Variants in CIT observed in about 807,000 individuals in gnomAD.
The protein encoded by CIT is citron rho-interacting serine/threonine kinase.
In CIT, 79 loss-of-function variants were observed where a neutral mutation model predicts 272.7. The observed-to-expected ratio is 0.29, with a 90% CI of 0.24 to 0.35. CIT has a LOEUF of 0.35. Among genes scored for constraint, CIT ranks in the 10% least tolerant of loss-of-function variants. The pLI is 1.00. For synonymous variants in CIT, 948 were observed against 995.6 expected (o/e 0.95, Z 0.90); for missense variants, 1,909 against 2,618.3 (o/e 0.73, Z 5.91).
rs557072800 is a variant in CIT, at chr12:119,829,082, CA to C, written c.753+3688del. ...TTAGCTTAGCAGGTTCTTTCACTAA[CA>C]AAAAGCAGATGAGGAAGAAAGAAAA... is the stretch of plus-strand genomic sequence containing the variant. On this transcript the variant is annotated intron_variant, in intron 7 of 47. Transcript: ENST00000392521. 3.5e-4 allele frequency among the ~76,000 whole-genome samples: 54 copies of C among 152,226 alleles called. No homozygotes were observed. The East Asian group carries it at 8.3e-3, about 23-fold the overall frequency.
chr12:119,740,860 A>G (rs1208419220), intron 24 of CIT, among the ~76,000 whole-genome samples: 1 of 152,202 alleles, frequency 6.6e-6, no homozygotes, highest in Non-Finnish European at 1.5e-5. Flanking sequence ...GATGGAGGAA[A>G]TCCACAGACA....
chr12:119,818,731 C>A (rs1191183932), intron 9 of CIT, among the ~76,000 whole-genome samples: 2 of 152,216 alleles, frequency 1.3e-5, no homozygotes, highest in African/African-American at 4.8e-5. Context: ...ACAGACCATC[C>A]GAGTTCTCTA....
At chr12:119,818,775 G>A (rs1046452887) in intron 9 of CIT, among the ~76,000 whole-genome samples, 5 of 152,184 alleles carry the variant, frequency 3.3e-5, no homozygotes, top group Non-Finnish European at 4.4e-5. Flanking sequence ...GAAATAATCC[G>A]TGATCACCAC....
At chr12:119,863,933 G>A (rs932777479) in intron 3 of CIT, among the ~76,000 whole-genome samples, 1 of 151,912 alleles carries the variant, frequency 6.6e-6, no homozygotes, top group Non-Finnish European at 1.5e-5. Flanking sequence ...TTTTGAAGCA[G>A]GGAGCCATCA....
Position 119,690,064 on chromosome 12 carries a change from A to C in CIT, c.6186+87T>G. Reference sequence around the variant, plus strand: ...TTACAGTCATGGAGTTCCTTTTTTAAACAACAGTGGCCCCGTGGGGGCCTC... The same window carrying C: ...TTACAGTCATGGAGTTCCTTTTTTACACAACAGTGGCCCCGTGGGGGCCTC... On this transcript the variant is annotated intron_variant, in intron 47 of 47. Transcript: ENST00000392521. This position sits in a 1 kb window ranked among gnomAD's most constrained non-coding sequence, Gnocchi z 6.0. The C allele has an allele frequency of 7.8e-7, 1 of 1,280,976 alleles. No homozygotes were observed. The highest frequency in any genetic ancestry group is 1.0e-6 in the Non-Finnish European group (1 of 989,724). 79.4% of individuals were successfully genotyped at this position (1,280,976 alleles called of 1,614,324 possible).
chr12:119,725,933 G>A (rs933466689), intron 28 of CIT, among the ~76,000 whole-genome samples: 7 of 152,136 alleles, frequency 4.6e-5, no homozygotes, highest in South Asian at 2.1e-4. Context: ...ATTTGACCAC[G>A]AGGTACATTT....
At chr12:119,833,722 A>G (rs1275326139) in intron 6 of CIT, among the ~76,000 whole-genome samples, 2 of 151,974 alleles carry the variant, frequency 1.3e-5, no homozygotes, top group Non-Finnish European at 2.9e-5. Context: ...AGAGAAGTAC[A>G]GCTCCATGGT....
chr12:119,857,747 T>C, intron 3 of CIT, 49 bp from the exon 4 acceptor site: 1 of 1,500,406 alleles, frequency 6.7e-7, no homozygotes, highest in South Asian at 1.3e-5. Context: ...CATGCAAATA[T>C]ATGCATCTTT....
Position 119,728,603 on chromosome 12 carries a change from T to C in CIT, c.3490A>G (p.Asn1164Asp), listed in dbSNP as rs757841591. Residue 1164 changes from asparagine (N) to aspartate (D), a missense_variant, in exon 28 of 48, where the codon AAT (asparagine) becomes GAT (aspartate). Physicochemically the swap from Asn to Asp is conservative, Grantham distance 23. This residue lies in a region of CIT where 530 missense variants were observed against 822.4 expected (regional missense o/e 0.64). Coordinates refer to ENST00000392521, the MANE Select transcript of CIT (RefSeq NM_001206999.2). This position sits in a 1 kb window ranked among gnomAD's most constrained non-coding sequence, Gnocchi z 4.3. ...ATAGCATGCTTCTTCTCCAGGTCATTGAGCTAGACATTTGGAAAGATTGGC... is the reference window on the plus strand; with the variant it reads ...ATAGCATGCTTCTTCTCCAGGTCATCGAGCTAGACATTTGGAAAGATTGGC... ...LKAESLSDKL[N>D]DLEKKHAMLE... 1 of 1,605,514 alleles carries C rather than the reference T, an allele frequency of 6.2e-7. No individual in the cohort carries two copies. Among genetic ancestry groups the C allele is most frequent in the Admixed American group, 1.7e-5 (1 of 59,074 alleles).
chr12:119,802,333 C>A (rs1451043093), intron 10 of CIT, among the ~76,000 whole-genome samples: 1 of 152,102 alleles, frequency 6.6e-6, no homozygotes, highest in African/African-American at 2.4e-5. Context: ...ACTGACCTCC[C>A]ACATCCACAG....
rs144329992 is a variant in CIT at position 119,718,359 on chromosome 12, C to T, written c.4054G>A (p.Ala1352Thr). ...GCGGACATGGCGATCTGCTGCCTCG[C>T]GGTGGCTGGCGTGGATGGGTGTGGG... ...DHPHPSTPAT[A>T]RQQIAMSAIV... The change falls in exon 32 of 48, where the codon GCG becomes ACG. Residue 1352 changes from alanine to threonine, a missense_variant. Physicochemically the swap from Ala to Thr is moderately conservative, Grantham distance 58 (BLOSUM62 0). This residue lies in a region of CIT where 780 missense variants were observed against 1,067.2 expected (regional missense o/e 0.73). Coordinates refer to ENST00000392521, the MANE Select transcript of CIT (RefSeq NM_001206999.2). This position sits in a 1 kb window ranked among gnomAD's most constrained non-coding sequence, Gnocchi z 4.8. 12 of 1,613,962 alleles carry T rather than the reference C, an allele frequency of 7.4e-6. No individual in the cohort carries two copies. Among genetic ancestry groups the T allele is most frequent in the African/African-American group, 6.7e-5 (5 of 75,038 alleles).
chr12:119,730,719 A>G, intron 26 of CIT, 89 bp from the exon 27 acceptor site: 1 of 1,414,604 alleles, frequency 7.1e-7, no homozygotes, highest in East Asian at 2.4e-5. Context: ...CCTGACGAGC[A>G]ACTAAACAGG....
In CIT at chr12:119,712,226, T is replaced by C; in HGVS notation, c.4806A>G (p.Ser1602=). The C allele has an allele frequency of 6.2e-7, 1 of 1,611,790 alleles. No individual in the cohort carries two copies. The highest frequency in any genetic ancestry group is 8.5e-7 in the Non-Finnish European group (1 of 1,178,864). The stretch of plus-strand genomic sequence containing the variant: ...TAGAAACTCTCCCACCTGCGACAAC[T>C]GATTCTAAGGCGGTGACCCAGCGCT... ...DKQRWVTALE[S]VVAGGRVSRE... Residue 1602 remains serine (S), a synonymous_variant, in exon 37 of 48, where the codon TCA becomes TCG. Transcript: ENST00000392521. This position sits in a 1 kb window ranked among gnomAD's most constrained non-coding sequence, Gnocchi z 5.2.
intron 44 of CIT, chr12:119,699,896 C>T (rs1167449552): frequency 2.2e-6 from 1 of 455,992 alleles, no homozygotes; most frequent in African/African-American, 2.0e-5. Context: ...AACATTCACA[C>T]AGATACGTAT....
chr12:119,797,436 A>C (rs116826964), intron 10 of CIT, among the ~76,000 whole-genome samples: 1 of 152,336 alleles, frequency 6.6e-6, no homozygotes, highest in African/African-American at 2.4e-5. Flanking sequence ...GAGCAAGAGG[A>C]GAGGAGAAAA....
In CIT at chr12:119,728,486, G is replaced by C. The variant is rs762390907; in HGVS notation, c.3591+16C>G. ...AAAAATCCACTTGGCCCTTCTCCCA[G>C]GTATTTCACACTCACCTCTTCCAGA... On this transcript the variant is annotated intron_variant, in intron 28 of 47. Transcript: ENST00000392521. The surrounding 1 kb of genome is among the most constrained non-coding windows in gnomAD (Gnocchi z 4.3). 14 of 1,538,188 alleles carry C rather than the reference G, an allele frequency of 9.1e-6. No individual in the cohort carries two copies. The highest frequency in any genetic ancestry group is 1.4e-5 in the African/African-American group (1 of 71,876).
At chr12:119,862,125 C>T (rs963861552) in intron 3 of CIT, among the ~76,000 whole-genome samples, 13 of 152,034 alleles carry the variant, frequency 8.6e-5, no homozygotes, top group Non-Finnish European at 1.5e-4. Flanking sequence ...CTTGGTCTCC[C>T]GAGTAGCTGG....
intron 2 of CIT, among the ~76,000 whole-genome samples, chr12:119,875,462 G>A (rs1950814406): frequency 6.6e-6 from 1 of 152,006 alleles, no homozygotes; most frequent in African/African-American, 2.4e-5. Flanking sequence ...CTAAATAGAG[G>A]GCCAGGTGCA....
At chr12:119,731,071 G>A (rs1329376906) in intron 26 of CIT, among the ~76,000 whole-genome samples, 1 of 150,762 alleles carries the variant, frequency 6.6e-6, no homozygotes, top group Non-Finnish European at 1.5e-5. Context: ...AAGTTGCAGT[G>A]AGCCGAGATC....
Sources: allele counts gnomAD v4.1 joint callset (sites outside exome capture counted in the v4.1 genomes callset), GRCh38; gene constraint gnomAD v4.1.1; regional missense constraint gnomAD v4.1.1; non-coding constraint Gnocchi (gnomAD v3.1); transcripts MANE v1.5; gene names NCBI Gene and HGNC (gene_info 2026-07-23, HGNC 2026-07-21).